Variants in AOPEP observed in about 807,000 individuals in gnomAD.
AOPEP encodes aminopeptidase O (putative), also known as aminopeptidase O.
AOPEP carries 77 observed loss-of-function variants against 98.1 expected under a neutral mutation model. That is an observed-to-expected ratio of 0.78 (90% CI 0.65 to 0.95). The LOEUF (loss-of-function observed/expected upper bound fraction) is 0.95. Among genes scored for constraint, AOPEP ranks in the 40% least tolerant of loss-of-function variants. AOPEP has a pLI of 0.00. For synonymous variants in AOPEP, 346 were observed against 365.3 expected, an observed-to-expected ratio of 0.95 and a Z score of 0.60; for missense variants, 1,024 against 1,024.7, an observed-to-expected ratio of 1.00 and a Z score of 0.01.
intron 5 of AOPEP, among the ~76,000 whole-genome samples, chr9:94,828,115 G>A (rs1011816854): frequency 2.0e-5 from 3 of 152,152 alleles, no homozygotes; most frequent in Non-Finnish European, 4.4e-5. Context: ...TATAGGAGGC[G>A]TGGAGGAGAA....
chr9:95,071,319 C>G (rs2068486447), intron 14 of AOPEP, among the ~76,000 whole-genome samples: 1 of 132,448 alleles, frequency 7.6e-6, no homozygotes, highest in African/African-American at 2.8e-5. Flanking sequence ...AAAATGCTCA[C>G]TGGAGCATTT....
intron 5 of AOPEP, among the ~76,000 whole-genome samples, chr9:94,841,648 C>A (rs752677527): frequency 6.6e-5 from 10 of 152,110 alleles, no homozygotes; most frequent in Non-Finnish European, 1.2e-4. Flanking sequence ...AATTCACTTA[C>A]GTCAAAGGAC....
At chr9:95,116,029 A>G in the AOPEP span, among the ~76,000 whole-genome samples, 2 of 152,278 alleles carry the variant, frequency 1.3e-5, no homozygotes, top group Non-Finnish European at 2.9e-5. Flanking sequence ...AACTAGCACA[A>G]GAGGTTCTTG....
intron 5 of AOPEP, among the ~76,000 whole-genome samples, chr9:94,845,581 A>G (rs954648450): frequency 6.6e-6 from 1 of 152,208 alleles, no homozygotes; most frequent in Non-Finnish European, 1.5e-5. Flanking sequence ...AGAAATCTAC[A>G]TGCGAGATAA....
intron 5 of AOPEP, among the ~76,000 whole-genome samples, chr9:94,830,611 T>A (rs1855747402): frequency 6.6e-6 from 1 of 152,248 alleles, no homozygotes; most frequent in Non-Finnish European, 1.5e-5. Context: ...TGCTTCTGGA[T>A]CTTTGAGGAA....
intron 13 of AOPEP, among the ~76,000 whole-genome samples, chr9:95,014,642 T>C (rs866613165): frequency 5.9e-5 from 9 of 152,192 alleles, no homozygotes; most frequent in African/African-American, 2.2e-4. Context: ...TCTCTGCATC[T>C]ACTCATGGAG....
At chr9:94,951,739 A>C (rs74709305) in intron 7 of AOPEP, among the ~76,000 whole-genome samples, 4,398 of 152,314 alleles carry the variant, frequency 0.029, 237 homozygotes, top group African/African-American at 0.1. Flanking sequence ...CAGCATGATG[A>C]TAGTAAAGGC....
chr9:94,755,922 A>G (rs745577496), intron 1 of AOPEP, among the ~76,000 whole-genome samples: 31 of 152,348 alleles, frequency 2.0e-4, no homozygotes, highest in Non-Finnish European at 3.5e-4. Context: ...TAAAATAAAG[A>G]TGACTTAAAG....
chr9:95,125,231 G>T, the AOPEP span: 1 of 1,511,704 alleles, frequency 6.6e-7, no homozygotes, highest in Non-Finnish European at 9.2e-7. Flanking sequence ...CAAGTAATCC[G>T]GCAAACATGA....
intron 9 of AOPEP, among the ~76,000 whole-genome samples, chr9:94,958,535 C>T (rs189462906): frequency 2.0e-5 from 3 of 152,170 alleles, no homozygotes; most frequent in African/African-American, 4.8e-5. Context: ...AGTTTTTTCA[C>T]GCACTTGCCA....
At chr9:94,892,369 A>T (rs1224350602) in intron 5 of AOPEP, among the ~76,000 whole-genome samples, 4 of 152,182 alleles carry the variant, frequency 2.6e-5, no homozygotes, top group African/African-American at 9.7e-5. Flanking sequence ...TGTTGTTCAA[A>T]TTGAGTAAAT....
intron 5 of AOPEP, among the ~76,000 whole-genome samples, chr9:94,815,420 A>G (rs1851487688): frequency 6.6e-6 from 1 of 152,166 alleles, no homozygotes; most frequent in Non-Finnish European, 1.5e-5. Flanking sequence ...CCCTGTGTCA[A>G]TTAAGACATT....
At chr9:94,932,219 T>C in intron 7 of AOPEP, 2 of 986,980 alleles carry the variant, frequency 2.0e-6, no homozygotes, top group Non-Finnish European at 2.4e-6. Context: ...AAAGTATGCT[T>C]GGTCCAAGCA....
intron 5 of AOPEP, among the ~76,000 whole-genome samples, chr9:94,821,319 C>T (rs1853074885): frequency 6.6e-6 from 1 of 152,066 alleles, no homozygotes; most frequent in South Asian, 2.1e-4. Context: ...CAGATCCTGG[C>T]CCAAAAGACC....
chr9:95,122,779 G>A, the AOPEP span, among the ~76,000 whole-genome samples: 8 of 152,194 alleles, frequency 5.3e-5, no homozygotes, highest in African/African-American at 1.9e-4. Context: ...TGTGCTCCGC[G>A]AGGCCACAGG....
chr9:95,047,741 C>T (rs1042093641), intron 13 of AOPEP, among the ~76,000 whole-genome samples: 1 of 152,134 alleles, frequency 6.6e-6, no homozygotes, highest in Admixed American at 6.5e-5. Context: ...TGACTTTTAT[C>T]TACTGAGATT....
At chr9:95,022,377 C>G (rs897948086) in intron 13 of AOPEP, 4 of 152,078 alleles carry the variant, frequency 2.6e-5, no homozygotes, top group African/African-American at 9.7e-5. Context: ...GGGTCTCTGT[C>G]GCCAGGCTGG....
rs531980804 is a variant in AOPEP at position 94,887,647 on chromosome 9, T to C, written c.1365-36339T>C. On this transcript the variant is annotated intron_variant, in intron 5 of 16. Coordinates refer to ENST00000375315, the MANE Select transcript of AOPEP (RefSeq NM_001193329.3). ...GTTGGGAGGGCAGGTACCATGTCAG[T>C]GTTACTGCTATTGCATTTTCATAAG... Among the ~76,000 whole-genome samples, 3 of 152,136 alleles carry C rather than the reference T, an allele frequency of 2.0e-5. No individual in the cohort carries two copies. The East Asian group carries it at 5.8e-4, about 29-fold the overall frequency.
intron 5 of AOPEP, among the ~76,000 whole-genome samples, chr9:94,882,505 G>A (rs1164437061): frequency 6.6e-6 from 1 of 152,220 alleles, no homozygotes; most frequent in Admixed American, 6.5e-5. Flanking sequence ...GCTGGGTGGG[G>A]TGGCTCACGC....
Sources: allele counts gnomAD v4.1 joint callset (sites outside exome capture counted in the v4.1 genomes callset), GRCh38; gene constraint gnomAD v4.1.1; transcripts MANE v1.5; gene names NCBI Gene and HGNC (gene_info 2026-07-23, HGNC 2026-07-21).